Variants in CASK observed in about 807,000 individuals in gnomAD.
The protein encoded by CASK is calcium/calmodulin dependent serine protein kinase, also known as peripheral plasma membrane protein CASK.
A neutral mutation model predicts 82.9 loss-of-function variants in CASK; 4 were observed. The ratio of observed to expected loss-of-function variants is 0.05; its 90% confidence interval spans 0.02 to 0.11. The LOEUF (loss-of-function observed/expected upper bound fraction) is 0.11, where lower values mean the gene tolerates loss of function less well. CASK is among the 10% of genes least tolerant of loss of function. The pLI is 1.00. For synonymous variants in CASK, 259 were observed against 253.5 expected (o/e 1.02, Z -0.20); for missense variants, 358 against 720.9 (o/e 0.50, Z 5.76).
intron 25 of CASK, among the ~76,000 whole-genome samples, chrX:41,525,734 C>T (rs778140323): frequency 1.8e-5 from 2 of 112,203 alleles, no homozygotes; most frequent in African/African-American, 6.5e-5. Context: ...CTACAGAGCA[C>T]TCTACTCTCT....
At chrX:41,724,827 C>A (rs1199086795) in intron 5 of CASK, among the ~76,000 whole-genome samples, 6 of 111,816 alleles carry the variant, frequency 5.4e-5, no homozygotes, top group African/African-American at 1.9e-4. Flanking sequence ...ACAGAAGCAC[C>A]ATTACCTTTG....
Position 41,520,380 on chromosome X carries a change from T to C in CASK, c.*40A>G, listed in dbSNP as rs781166414. 1.1e-5 allele frequency: 12 copies of C among 1,111,636 alleles called. No homozygotes were observed. Among genetic ancestry groups the C allele is most frequent in the Non-Finnish European group, 1.5e-5 (12 of 810,254 alleles). The allele number at this position is 1,111,636 out of a possible 1,213,427, so 91.6% of individuals were successfully genotyped here. A position where few individuals can be genotyped will look rare whatever the true frequency, so the allele number is the denominator to read the frequency against. ...GATAACAAAGAGGCTTTTCCACAAA[T>C]GAGGTGCTCCCAGTTATGCTCAGAT... is the stretch of plus-strand genomic sequence containing the variant. On this transcript the variant is annotated 3_prime_UTR_variant, in exon 27 of 27. Coordinates refer to ENST00000378163, the MANE Select transcript of CASK (RefSeq NM_001367721.1).
intron 22 of CASK, among the ~76,000 whole-genome samples, chrX:41,539,357 T>C (rs1281585250): frequency 8.9e-6 from 1 of 112,406 alleles, no homozygotes; most frequent in African/African-American, 3.2e-5. Flanking sequence ...CAGAACTTGA[T>C]AAGGTTTGGA....
chrX:41,867,810 C>A (rs755827627), intron 1 of CASK, among the ~76,000 whole-genome samples: 6 of 112,280 alleles, frequency 5.3e-5, no homozygotes, highest in African/African-American at 1.9e-4. Context: ...TCAGCTGTGA[C>A]AATGATTAGC....
At chrX:41,723,713 TC>T (rs967566198) in intron 5 of CASK, among the ~76,000 whole-genome samples, 13 of 112,071 alleles carry the variant, frequency 1.2e-4, no homozygotes, top group African/African-American at 4.2e-4. Flanking sequence ...AGGGTCTCAG[TC>T]CACAGATGAT....
intron 5 of CASK, among the ~76,000 whole-genome samples, chrX:41,723,603 T>C (rs2068204488): frequency 9.0e-6 from 1 of 110,799 alleles, no homozygotes; most frequent in Admixed American, 9.6e-5. Context: ...AGAAACAGAG[T>C]GGGTTAACTC....
intron 1 of CASK, among the ~76,000 whole-genome samples, chrX:41,885,298 C>T (rs1424223614): frequency 8.9e-6 from 1 of 112,076 alleles, no homozygotes; most frequent in African/African-American, 3.2e-5. Flanking sequence ...TTTGTATCAA[C>T]TTAAGTTTCT....
rs1345841386 is a variant in CASK, at chrX:41,854,222, GCGCACA to G, written c.60-1001_60-996del. Among the ~76,000 whole-genome samples the G allele has an allele frequency of 4.5e-3, 372 of 83,475 alleles. 2 individuals are homozygous for G. The highest frequency in any genetic ancestry group is 0.018 in the East Asian group (49 of 2,787). 72.5% of individuals were successfully genotyped at this position (83,475 alleles called of 115,157 possible). The stretch of plus-strand genomic sequence containing the variant: ...GGAACATGCGCGCGCGCGCGGGCGC[GCGCACA>G]CACACACACACACACACACACACAC... On this transcript the variant is annotated intron_variant, in intron 1 of 26. Coordinates refer to ENST00000378163, the MANE Select transcript of CASK (RefSeq NM_001367721.1).
At chrX:41,553,167 A>C (rs1393261188) in intron 21 of CASK, among the ~76,000 whole-genome samples, 1 of 111,997 alleles carries the variant, frequency 8.9e-6, no homozygotes, top group Admixed American at 9.5e-5. Context: ...AAAACCCCTA[A>C]CTTTAGCCTG....
intron 3 of CASK, among the ~76,000 whole-genome samples, chrX:41,753,026 G>C (rs911860918): frequency 5.4e-5 from 6 of 111,743 alleles, no homozygotes; most frequent in Non-Finnish European, 1.9e-5. Context: ...CCAACAGAAT[G>C]GTTACATAAA....
At chrX:41,906,715 T>C (rs141917812) in intron 1 of CASK, among the ~76,000 whole-genome samples, 1,163 of 112,625 alleles carry the variant, frequency 0.01, 16 homozygotes, top group African/African-American at 0.036. Context: ...GCTTTCATCA[T>C]CACCTACCGC....
At chrX:41,710,081 T>TGTGTGTGTGTGTG (rs2067947788) in intron 5 of CASK, among the ~76,000 whole-genome samples, 1 of 72,177 alleles carries the variant, frequency 1.4e-5, no homozygotes, top group South Asian at 9.0e-4. Flanking sequence ...GGTATAGATT[T>TGTGTGTGTGTGTG]TGTGTGTGTG....
intron 21 of CASK, among the ~76,000 whole-genome samples, chrX:41,547,388 TAG>T (rs1247979321): frequency 9.0e-6 from 1 of 111,397 alleles, no homozygotes; most frequent in African/African-American, 3.3e-5. Context: ...TTAGTTTCTG[TAG>T]AGTCTGGATT....
At chrX:41,638,535 C>A (rs1357152018) in intron 8 of CASK, among the ~76,000 whole-genome samples, 2 of 111,277 alleles carry the variant, frequency 1.8e-5, no homozygotes, top group Admixed American at 1.9e-4. Context: ...CAGAGCATGA[C>A]CCCATTTCTA....
chrX:41,774,688 T>C (rs1156358734), intron 3 of CASK, among the ~76,000 whole-genome samples: 2 of 109,949 alleles, frequency 1.8e-5, no homozygotes, highest in Non-Finnish European at 3.8e-5. Context: ...AAAACAGAGA[T>C]ATAGATCAAT....
chrX:41,733,098 C>T (rs1402773964), intron 5 of CASK, among the ~76,000 whole-genome samples: 1 of 102,398 alleles, frequency 9.8e-6, no homozygotes, highest in East Asian at 3.1e-4. Context: ...ATTGCTTGAA[C>T]GTGGGAGGTG....
At chrX:41,773,867 C>T (rs1351064677) in intron 3 of CASK, among the ~76,000 whole-genome samples, 2 of 111,603 alleles carry the variant, frequency 1.8e-5, no homozygotes, top group African/African-American at 3.3e-5. Context: ...CTGGGTGAGT[C>T]AGTAAGTGAT....
chrX:41,799,392 T>C (rs772416396), intron 2 of CASK, among the ~76,000 whole-genome samples: 60 of 110,548 alleles, frequency 5.4e-4, no homozygotes, highest in Non-Finnish European at 1.0e-3. Flanking sequence ...GTATAAAAAT[T>C]AGCTGGGTGT....
chrX:41,560,869 C>A (rs1157826894), intron 17 of CASK, among the ~76,000 whole-genome samples: 1 of 108,124 alleles, frequency 9.2e-6, no homozygotes, highest in African/African-American at 3.4e-5. Flanking sequence ...CCAGCCTGGG[C>A]AACAAGAGCA....
Sources: allele counts gnomAD v4.1 joint callset (sites outside exome capture counted in the v4.1 genomes callset), GRCh38; gene constraint gnomAD v4.1.1; transcripts MANE v1.5; gene names NCBI Gene and HGNC (gene_info 2026-07-23, HGNC 2026-07-21).